The following HECTD4 variants were observed in gnomAD, a reference collection of about 807,000 sequenced individuals.
The protein encoded by HECTD4 is probable E3 ubiquitin-protein ligase HECTD4.
Under a neutral mutation model 471.5 loss-of-function variants are expected in HECTD4, and 114 were observed. That is an observed-to-expected ratio of 0.24 (90% CI 0.21 to 0.28). The LOEUF (loss-of-function observed/expected upper bound fraction) is 0.28, where lower values mean the gene tolerates loss of function less well. Among genes scored for constraint, HECTD4 ranks in the 10% least tolerant of loss-of-function variants. The pLI, the probability that HECTD4 is intolerant of heterozygous loss-of-function variation, is 1.00. For missense variants in HECTD4, 3,866 were observed against 5,651.5 expected, an observed-to-expected ratio of 0.68 and a Z score of 10.13; for synonymous variants, 2,012 against 2,256.0, an observed-to-expected ratio of 0.89 and a Z score of 3.07.
Position 112,207,908 on chromosome 12 carries a change from C to G in HECTD4, c.8097G>C (p.Ser2699=). ...RRFRNEAERK[S]GLDQIKGALQ... ...AGGCCCCCTTTATCTGGTCCAGGCC[C>G]GATTTCCGCTCTGCTTCATTGCGGA... The change falls in exon 52 of 76, where the codon TCG becomes TCC. Residue 2699 remains serine, a synonymous_variant. Transcript: ENST00000682272. 6.2e-7 allele frequency: 1 copy of G among 1,613,942 alleles called. No individual in the cohort carries two copies. Among genetic ancestry groups the G allele is most frequent in the Non-Finnish European group, 8.5e-7 (1 of 1,179,868 alleles).
Position 112,334,934 on chromosome 12 carries a change from A to C in HECTD4, c.178-15192T>G, listed in dbSNP as rs574440848. On this transcript the variant is annotated intron_variant, in intron 1 of 75. Coordinates refer to ENST00000682272, the MANE Select transcript of HECTD4 (RefSeq NM_001388303.1). Reference sequence around the variant, plus strand: ...TGTAAACTAGTACAACCACTATGGAAAACAGTGTGGAGATTCCTTAAAGAA... The same window carrying C: ...TGTAAACTAGTACAACCACTATGGACAACAGTGTGGAGATTCCTTAAAGAA... Among the ~76,000 whole-genome samples, 4 of 152,330 alleles carry C rather than the reference A, an allele frequency of 2.6e-5. No individual in the cohort carries two copies. The South Asian group carries it at 8.3e-4, about 32-fold the overall frequency.
rs566915250 is a variant in HECTD4 at position 112,366,520 on chromosome 12, T to TA, written c.177+15431dup. ...GACAACAAAGTGAGACCGTGTCTCT[T>TA]AAAAAAGACATTGTTCTTTTTTGAA... On this transcript the variant is annotated intron_variant, in intron 1 of 75. Coordinates refer to ENST00000682272, the MANE Select transcript of HECTD4 (RefSeq NM_001388303.1). Among the ~76,000 whole-genome samples the TA allele has an allele frequency of 2.4e-4, 36 of 152,028 alleles. 1 individual carries two copies. In the East Asian group the frequency reaches 4.2e-3, roughly 18 times the overall value.
rs1396202530 is a variant in HECTD4, at chr12:112,183,284, A to C, written c.10780-18T>G. 1.9e-6 allele frequency: 3 copies of C among 1,602,388 alleles called. No individual in the cohort carries two copies. In the Admixed American group the frequency reaches 5.0e-5, roughly 27 times the overall value. ...GATCTTATCTGTGTGAACAGAGAAC[A>C]GGGTCAGGATTTGAGTAGCTTGACC... On this transcript the variant is annotated intron_variant, in intron 61 of 75. Coordinates refer to ENST00000682272, the MANE Select transcript of HECTD4 (RefSeq NM_001388303.1).
At position 112,381,704 on chromosome 12, in the gene HECTD4, G is replaced by A. The variant is rs1026156595; in HGVS notation, c.177+248C>T. ...CTAATAAAATGCCGGGTGTCGGAAC[G>A]CTCAAAAGAAAACCACAAATGAAAT... On this transcript the variant is annotated intron_variant, in intron 1 of 75. Coordinates refer to ENST00000682272, the MANE Select transcript of HECTD4 (RefSeq NM_001388303.1). This position sits in a 1 kb window ranked among gnomAD's most constrained non-coding sequence, Gnocchi z 4.1. 6.6e-6 allele frequency among the ~76,000 whole-genome samples: 1 copy of A among 152,146 alleles called. No homozygotes were observed. Among genetic ancestry groups the A allele is most frequent in the East Asian group, 1.9e-4 (1 of 5,140 alleles).
rs1301757850 is a variant in HECTD4 at position 112,169,578 on chromosome 12, C to T, written c.12133G>A (p.Val4045Ile). 13 of 1,613,672 alleles carry T rather than the reference C, an allele frequency of 8.1e-6. No homozygotes were observed. Among genetic ancestry groups the T allele is most frequent in the East Asian group, 2.2e-5 (1 of 44,890 alleles). Residue 4045 changes from valine to isoleucine, a missense_variant, in exon 70 of 76, where the codon GTC (valine) becomes ATC (isoleucine). By Grantham distance (29) the Val-to-Ile change is conservative (BLOSUM62 3). Transcript: ENST00000682272. ...GGGTCACCGCCACTGGCCAGCTTGA[C>T]GCAGAGCTGAGACGACGGCACTGAG... ...LASVPSSQLC[V>I]KLASGGDPTY... is the part of the protein sequence containing the mutation.
rs770866262 is a variant in HECTD4, at chr12:112,184,387, G to A, written c.10579C>T (p.Pro3527Ser). The A allele has an allele frequency of 1.9e-6, 3 of 1,609,476 alleles. No homozygotes were observed. The African/African-American group carries it at 4.0e-5, about 21-fold the overall frequency. Residue 3527 changes from proline to serine, a missense_variant, in exon 61 of 76, where the codon CCC becomes TCC. Around this residue, in one of 16 missense-constraint regions of HECTD4, gnomAD observed 192 missense variants for 189.9 expected, o/e 1.01. Transcript: ENST00000682272. This position sits in a 1 kb window ranked among gnomAD's most constrained non-coding sequence, Gnocchi z 9.1. ...ELPIPPGLLE[P>S]HAVSSQESLD... ...CTTTCCTGGCTGGACACCGCGTGGG[G>A]CTCCAACAGGCCCGGAGGGATGGGC... is the stretch of plus-strand genomic sequence containing the variant.
chr12:112,259,918 C>T (rs1321191029), intron 18 of HECTD4, among the ~76,000 whole-genome samples: 1 of 151,972 alleles, frequency 6.6e-6, no homozygotes, highest in Non-Finnish European at 1.5e-5. Context: ...CTGGGGCATG[C>T]AGAAGCAGGC....
At chr12:112,209,457 T>C (rs1001638728) in intron 50 of HECTD4, among the ~76,000 whole-genome samples, 1 of 151,976 alleles carries the variant, frequency 6.6e-6, no homozygotes, top group Non-Finnish European at 1.5e-5. Context: ...TCCTGAGTAG[T>C]TGGGGATTAC....
At chr12:112,364,904 G>A (rs1315820583) in intron 1 of HECTD4, among the ~76,000 whole-genome samples, 1 of 152,092 alleles carries the variant, frequency 6.6e-6, no homozygotes, top group African/African-American at 2.4e-5. Flanking sequence ...TGATCACAGA[G>A]CCCTAGAAGG....
Position 112,274,967 on chromosome 12 carries a change from A to G in HECTD4, c.1688-7T>C, listed in dbSNP as rs141512931. The stretch of plus-strand genomic sequence containing the variant: ...ACCAAGCTGGAGGCTAGGACTTTGG[A>G]AACAAACATTAAGCTGTTTAATGAG... On this transcript the variant is annotated splice_polypyrimidine_tract_variant and splice_region_variant and intron_variant, in intron 9 of 75. Transcript: ENST00000682272. 0.015 allele frequency: 22,238 copies of G among 1,492,676 alleles called. 194 individuals are homozygous for G. Among genetic ancestry groups the G allele is most frequent in the Non-Finnish European group, 0.018 (19,532 of 1,094,958 alleles). 92.5% of individuals were successfully genotyped at this position (1,492,676 alleles called of 1,614,324 possible).
intron 24 of HECTD4, 127 bp downstream of exon 24, chr12:112,250,844 C>A: frequency 1.2e-6 from 1 of 861,014 alleles, no homozygotes; most frequent in Non-Finnish European, 1.8e-6. Context: ...TTCTTAGACA[C>A]AATGACACCC....
At chr12:112,205,616 G>A (rs556290700) in intron 52 of HECTD4, among the ~76,000 whole-genome samples, 1 of 151,596 alleles carries the variant, frequency 6.6e-6, no homozygotes, top group Non-Finnish European at 1.5e-5. Context: ...TTTTGAGACA[G>A]AGTCTTGCTC....
At chr12:112,375,349 T>C (rs1222605549) in intron 1 of HECTD4, among the ~76,000 whole-genome samples, 1 of 152,230 alleles carries the variant, frequency 6.6e-6, no homozygotes, top group Non-Finnish European at 1.5e-5. Context: ...AAAGCTGACT[T>C]GAACATTCAC....
chr12:112,356,504 T>C (rs2036341126), intron 1 of HECTD4, among the ~76,000 whole-genome samples: 1 of 152,150 alleles, frequency 6.6e-6, no homozygotes, highest in Non-Finnish European at 1.5e-5. Context: ...AGTGGCATGA[T>C]CTTGGCTCAC....
intron 18 of HECTD4, 75 bp from the exon 19 acceptor site, chr12:112,259,340 T>C: frequency 6.8e-7 from 1 of 1,469,778 alleles, no homozygotes; most frequent in Non-Finnish European, 9.4e-7. Flanking sequence ...GTCATCTTTA[T>C]CTGACAATTT....
chr12:112,288,839 C>A (rs2034812804), intron 7 of HECTD4, among the ~76,000 whole-genome samples: 1 of 152,180 alleles, frequency 6.6e-6, no homozygotes, highest in Non-Finnish European at 1.5e-5. Flanking sequence ...GCAGATGTGA[C>A]TTCAGCTTCA....
intron 1 of HECTD4, among the ~76,000 whole-genome samples, chr12:112,350,672 AAGTG>A (rs571550172): frequency 1.2e-3 from 176 of 152,184 alleles, no homozygotes; most frequent in Middle Eastern, 0.01. Flanking sequence ...AGTGTCCCTC[AAGTG>A]AGTAAGACTT....
intron 1 of HECTD4, among the ~76,000 whole-genome samples, chr12:112,359,513 G>A (rs762844068): frequency 3.3e-5 from 5 of 152,156 alleles, no homozygotes; most frequent in South Asian, 2.1e-4. Context: ...TCTGCCTCCC[G>A]GATTCAAATG....
chr12:112,220,712 G>A (rs1417566161), intron 44 of HECTD4, among the ~76,000 whole-genome samples: 2 of 152,072 alleles, frequency 1.3e-5, no homozygotes, highest in Non-Finnish European at 2.9e-5. Context: ...CATGATAATC[G>A]CTTGAACCCA....
Sources: gnomAD v4.1 joint callset for allele counts (sites outside exome capture counted in the v4.1 genomes callset) on GRCh38, gnomAD v4.1.1 for gene constraint, gnomAD v4.1.1 regional missense constraint, Gnocchi (gnomAD v3.1) non-coding constraint, MANE v1.5 for transcripts, NCBI Gene and HGNC (gene_info 2026-07-23, HGNC 2026-07-21) for gene names.